The following ABCA10 variants were observed in gnomAD, a reference collection of about 807,000 sequenced individuals.
The protein encoded by ABCA10 is ATP-binding cassette sub-family A member 10.
A neutral mutation model predicts 187.5 loss-of-function variants in ABCA10; 169 were observed. The observed-to-expected ratio is 0.90, with a 90% CI of 0.80 to 1.02. ABCA10 has a LOEUF of 1.02. Among genes scored for constraint, ABCA10 ranks in the 50% least tolerant of loss-of-function variants. The pLI is 0.00. For missense variants in ABCA10, 1,727 were observed against 1,812.4 expected (o/e 0.95, Z 0.86); for synonymous variants, 574 against 601.8 (o/e 0.95, Z 0.68).
At chr17:69,205,860 T>A (rs1196609911) in intron 9 of ABCA10, among the ~76,000 whole-genome samples, 1 of 152,200 alleles carries the variant, frequency 6.6e-6, no homozygotes, top group Non-Finnish European at 1.5e-5. Flanking sequence ...AAATGTTGCC[T>A]ATTAAAAGCT....
chr17:69,237,212 A>C (rs1475500884), intron 1 of ABCA10, among the ~76,000 whole-genome samples: 3 of 152,234 alleles, frequency 2.0e-5, no homozygotes, highest in Non-Finnish European at 4.4e-5. Flanking sequence ...ATTTATTGGC[A>C]GAGAGAAAGA....
intron 25 of ABCA10, among the ~76,000 whole-genome samples, chr17:69,169,392 A>G (rs1302661516): frequency 6.6e-6 from 1 of 152,242 alleles, no homozygotes; most frequent in Admixed American, 6.5e-5. Flanking sequence ...CCTAAAACAG[A>G]GAAGCAGACA....
intron 25 of ABCA10, among the ~76,000 whole-genome samples, chr17:69,170,365 T>C (rs1472676337): frequency 6.6e-6 from 1 of 151,762 alleles, no homozygotes; most frequent in Non-Finnish European, 1.5e-5. Flanking sequence ...CCATCTTGCT[T>C]CTTTCACCTT....
chr17:69,155,769 G>A, intron 29 of ABCA10, 36 bp downstream of exon 29: 2 of 1,599,108 alleles, frequency 1.3e-6, no homozygotes, highest in South Asian at 1.1e-5. Flanking sequence ...CAAACTATCT[G>A]AGCATTTTAT....
intron 3 of ABCA10, 93 bp downstream of exon 3, chr17:69,225,232 T>A: frequency 7.1e-7 from 1 of 1,415,734 alleles, no homozygotes; most frequent in Non-Finnish European, 9.9e-7. Flanking sequence ...TGAGAATCAC[T>A]GACACACAGG....
Position 69,164,956 on chromosome 17 carries a change from C to T in ABCA10, c.3282+8G>A. ...AAGACTGGAGACACAGTAGGTAACA[C>T]TGCTTACCTGGATCAATAACATGAC... is the stretch of plus-strand genomic sequence containing the variant. On this transcript the variant is annotated splice_region_variant and intron_variant, in intron 26 of 38. Coordinates refer to ENST00000690296, the MANE Select transcript of ABCA10 (RefSeq NM_001377321.1). 6.2e-7 allele frequency: 1 copy of T among 1,612,638 alleles called. No homozygotes were observed. The highest frequency in any genetic ancestry group is 8.5e-7 in the Non-Finnish European group (1 of 1,179,088).
intron 28 of ABCA10, 30 bp from the exon 29 acceptor site, chr17:69,155,955 G>A: frequency 6.3e-7 from 1 of 1,597,472 alleles, no homozygotes; most frequent in Non-Finnish European, 8.5e-7. Flanking sequence ...ACATAAAAAT[G>A]CAATTTTGGC....
intron 25 of ABCA10, among the ~76,000 whole-genome samples, chr17:69,172,371 C>G (rs1332916054): frequency 6.6e-6 from 1 of 151,982 alleles, no homozygotes; most frequent in Non-Finnish European, 1.5e-5. Flanking sequence ...TGCAGGAGTC[C>G]CTAACCCAAT....
chr17:69,232,780 T>C (rs1428862380), upstream of ABCA10, among the ~76,000 whole-genome samples: 2 of 151,986 alleles, frequency 1.3e-5, no homozygotes, highest in East Asian at 4.1e-4. Context: ...GTGTGTCTAG[T>C]AAAGTCTTTA....
intron 20 of ABCA10, 30 bp from the exon 21 acceptor site, chr17:69,182,838 A>G (rs1228718763): frequency 3.7e-6 from 4 of 1,068,140 alleles, no homozygotes; most frequent in African/African-American, 7.1e-5. Context: ...GCAACAAGAA[A>G]AAAAAAAAAA....
At chr17:69,165,870 A>C (rs187552512) in intron 25 of ABCA10, among the ~76,000 whole-genome samples, 13 of 152,328 alleles carry the variant, frequency 8.5e-5, no homozygotes, top group Admixed American at 4.6e-4. Context: ...AATGCATAAA[A>C]TATATGTAGA....
rs1974576 is a variant in ABCA10 at position 69,148,487 on chromosome 17, C to A, written c.*340G>T. On this transcript the variant is annotated 3_prime_UTR_variant, in exon 39 of 39. Coordinates refer to ENST00000690296, the MANE Select transcript of ABCA10 (RefSeq NM_001377321.1). ...ATACATTTGAAGTTCAGGCTAAAAACCTCATATTTTTATTTGTAAAATGTT... is the reference window on the plus strand; with the variant it reads ...ATACATTTGAAGTTCAGGCTAAAAAACTCATATTTTTATTTGTAAAATGTT... The A allele has an allele frequency of 0.74, 128,516 of 174,000 alleles. 48,050 individuals are homozygous for A. Among genetic ancestry groups the A allele is most frequent in the African/African-American group, 0.83 (34,851 of 41,990 alleles). 10.8% of individuals were successfully genotyped at this position (174,000 alleles called of 1,614,324 possible). A position where few individuals can be genotyped will look rare whatever the true frequency, so the allele number is the denominator to read the frequency against.
rs955126026 is a variant in ABCA10, at chr17:69,171,285, A to T, written c.3162+2996T>A. Among the ~76,000 whole-genome samples the T allele has an allele frequency of 2.0e-5, 3 of 152,226 alleles. No individual in the cohort carries two copies. The South Asian group carries it at 6.2e-4, about 31-fold the overall frequency. On this transcript the variant is annotated intron_variant, in intron 25 of 38. Coordinates refer to ENST00000690296, the MANE Select transcript of ABCA10 (RefSeq NM_001377321.1). ...ATAGAACAATAACAAGTAACAAAAG[A>T]TTAGGAGAAATAACTAAGCATATTT...
chr17:69,161,455 C>A (rs2074217778), intron 27 of ABCA10, among the ~76,000 whole-genome samples: 2 of 152,076 alleles, frequency 1.3e-5, no homozygotes. Flanking sequence ...AAAATAATTG[C>A]AGTTGTTTTT....
At position 69,244,683 on chromosome 17, in the gene ABCA10, T is replaced by C. The variant is rs2144876059; in HGVS notation, c.-747A>G. 3 of 151,670 alleles carry C rather than the reference T, an allele frequency of 2.0e-5. No homozygotes were observed. The South Asian group carries it at 6.2e-4, about 31-fold the overall frequency. The allele number at this position is 151,670 out of a possible 1,614,324, so 9.4% of individuals were successfully genotyped here. On this transcript the variant is annotated 5_prime_UTR_variant, in exon 1 of 40. Coordinates refer to the ABCA10 transcript ENST00000269081. Reference sequence around the variant, plus strand: ...TTTCTATTTCTCAAAAATTAATGCCTATTTACATGTTACACAAAAATACAG... The same window carrying C: ...TTTCTATTTCTCAAAAATTAATGCCCATTTACATGTTACACAAAAATACAG...
At chr17:69,158,449 G>A (rs895441985) in intron 27 of ABCA10, among the ~76,000 whole-genome samples, 15 of 151,644 alleles carry the variant, frequency 9.9e-5, no homozygotes, top group South Asian at 4.2e-4. Flanking sequence ...TAGCTAGAAC[G>A]TGCAATGGGA....
At chr17:69,218,217 GGTATGCATTTCT>G (rs1312222526) in intron 6 of ABCA10, among the ~76,000 whole-genome samples, 1 of 151,990 alleles carries the variant, frequency 6.6e-6, no homozygotes, top group East Asian at 1.9e-4. Flanking sequence ...CTAATAATAT[GGTATGCATTTCT>G]GTAGGCCAGT....
At chr17:69,223,260 C>A (rs2074764642) in intron 3 of ABCA10, among the ~76,000 whole-genome samples, 1 of 141,712 alleles carries the variant, frequency 7.1e-6, no homozygotes, top group Non-Finnish European at 1.5e-5. Context: ...TCTTTTTCTG[C>A]CAAGATTATA....
chr17:69,181,721 A>G (rs2074382097), intron 22 of ABCA10, among the ~76,000 whole-genome samples: 1 of 152,078 alleles, frequency 6.6e-6, no homozygotes, highest in Non-Finnish European at 1.5e-5. Flanking sequence ...CAGAATAAGT[A>G]ATAGCAAACA....
Sources: gnomAD v4.1 joint callset for allele counts (sites outside exome capture counted in the v4.1 genomes callset) on GRCh38, gnomAD v4.1.1 for gene constraint, MANE v1.5 for transcripts, NCBI Gene and HGNC (gene_info 2026-07-23, HGNC 2026-07-21) for gene names.